FLRT2: variants seen among roughly 807,000 people sequenced by gnomAD.
FLRT2 encodes fibronectin leucine rich transmembrane protein 2, also known as leucine-rich repeat transmembrane protein FLRT2.
Under a neutral mutation model 40.0 loss-of-function variants are expected in FLRT2, and 15 were observed. The observed-to-expected ratio is 0.38, with a 90% CI of 0.25 to 0.58. FLRT2 has a LOEUF of 0.58. Among genes scored for constraint, FLRT2 ranks in the 20% least tolerant of loss-of-function variants. The pLI, the probability that FLRT2 is intolerant of heterozygous loss-of-function variation, is 0.71. For missense variants in FLRT2, 726 were observed against 840.0 expected, an observed-to-expected ratio of 0.86 and a Z score of 1.68; for synonymous variants, 380 against 336.8, an observed-to-expected ratio of 1.13 and a Z score of -1.41.
intron 1 of FLRT2, among the ~76,000 whole-genome samples, chr14:85,599,046 T>C (rs1204035007): frequency 6.6e-6 from 1 of 151,006 alleles, no homozygotes; most frequent in East Asian, 2.0e-4. Flanking sequence ...GCCTCCCGAG[T>C]AGCTGGGACT....
rs1486752212 is a variant in FLRT2, at chr14:85,639,561, T to C, written c.*16064T>C. 6.6e-6 allele frequency: 1 copy of C among 152,218 alleles called. No individual in the cohort carries two copies. The highest frequency in any genetic ancestry group is 2.4e-5 in the African/African-American group (1 of 41,464). The allele number at this position is 152,218 out of a possible 1,614,324, so 9.4% of individuals were successfully genotyped here. A position where few individuals can be genotyped will look rare whatever the true frequency, so the allele number is the denominator to read the frequency against. On this transcript the variant is annotated 3_prime_UTR_variant, in exon 2 of 2. Transcript: ENST00000330753. ...TGAGCCCAAATGATGGTAGCAATGA[T>C]TGATTTATCTCAATCTTCTTGTATA...
At chr14:85,532,850 T>C (rs971050076) in intron 1 of FLRT2, among the ~76,000 whole-genome samples, 3 of 152,166 alleles carry the variant, frequency 2.0e-5, no homozygotes, top group Admixed American at 6.5e-5. Context: ...TTTCTCAGTG[T>C]CTAAGTAATA....
At chr14:85,567,289 A>G (rs1890667231) in intron 1 of FLRT2, among the ~76,000 whole-genome samples, 1 of 152,150 alleles carries the variant, frequency 6.6e-6, no homozygotes, top group Non-Finnish European at 1.5e-5. Context: ...TTGTAATAGA[A>G]GCTCCAAAGA....
intron 1 of FLRT2, among the ~76,000 whole-genome samples, chr14:85,599,732 C>T (rs1295822632): frequency 2.0e-5 from 3 of 151,864 alleles, no homozygotes; most frequent in African/African-American, 7.3e-5. Flanking sequence ...TCCTCCTTTT[C>T]TTTCTTTCTT....
intron 1 of FLRT2, among the ~76,000 whole-genome samples, chr14:85,604,844 G>A (rs1469988304): frequency 6.6e-6 from 1 of 152,166 alleles, no homozygotes; most frequent in Admixed American, 6.5e-5. Flanking sequence ...TGTTGGCAGA[G>A]GGGTGAAGTG....
Position 85,617,562 on chromosome 14 carries a change from G to A in FLRT2, c.-376-3577G>A, listed in dbSNP as rs950176036. Among the ~76,000 whole-genome samples the A allele has an allele frequency of 2.6e-5, 4 of 152,098 alleles. No individual in the cohort carries two copies. The South Asian group carries it at 6.3e-4, about 24-fold the overall frequency. ...CCCCAACTTAAAGTCTAAAAGGATC[G>A]CTGCCTTCATTATTCAGTAGGAACC... On this transcript the variant is annotated intron_variant, in intron 1 of 1. Transcript: ENST00000330753.
chr14:85,611,172 G>A (rs1359026361), intron 1 of FLRT2, among the ~76,000 whole-genome samples: 2 of 152,016 alleles, frequency 1.3e-5, no homozygotes, highest in Non-Finnish European at 2.9e-5. Flanking sequence ...CTGGGATTAC[G>A]GGCCTTCTTG....
chr14:85,590,886 T>C (rs1891852774), intron 1 of FLRT2, among the ~76,000 whole-genome samples: 1 of 152,046 alleles, frequency 6.6e-6, no homozygotes, highest in African/African-American at 2.4e-5. Context: ...GCTTGAGCCA[T>C]AGCATTTTTT....
intron 1 of FLRT2, among the ~76,000 whole-genome samples, chr14:85,596,983 T>C (rs1006092186): frequency 6.6e-6 from 1 of 152,188 alleles, no homozygotes; most frequent in Non-Finnish European, 1.5e-5. Context: ...CTTTATTATC[T>C]TTAGCTGTGC....
chr14:85,651,794 T>A lies in FLRT2; in HGVS notation c.*28297T>A, dbSNP rs1894439623. The A allele has an allele frequency of 6.6e-6, 1 of 152,132 alleles. No individual in the cohort carries two copies. The highest frequency in any genetic ancestry group is 2.1e-4 in the South Asian group (1 of 4,834). 9.4% of individuals were successfully genotyped at this position (152,132 alleles called of 1,614,324 possible). On this transcript the variant is annotated 3_prime_UTR_variant, in exon 2 of 2. Transcript: ENST00000330753. Reference sequence around the variant, plus strand: ...CTCAATGGATTTGGAAGATATATGTTCTATTTTTATTTCTGTTGTTGGTTT... The same window carrying A: ...CTCAATGGATTTGGAAGATATATGTACTATTTTTATTTCTGTTGTTGGTTT...
In FLRT2 at chr14:85,623,622, A is replaced by G; in HGVS notation, c.*125A>G. Reference sequence around the variant, plus strand: ...CACAGATGCATTTGTGCATTTGAATACTCTGTAATTTATACGGTGTACTAT... The same window carrying G: ...CACAGATGCATTTGTGCATTTGAATGCTCTGTAATTTATACGGTGTACTAT... On this transcript the variant is annotated 3_prime_UTR_variant, in exon 2 of 2. Transcript: ENST00000330753. 1 of 726,484 alleles carries G rather than the reference A, an allele frequency of 1.4e-6. No individual in the cohort carries two copies. Among genetic ancestry groups the G allele is most frequent in the South Asian group, 4.7e-5 (1 of 21,140 alleles). The allele number at this position is 726,484 out of a possible 1,614,324, so 45.0% of individuals were successfully genotyped here. A position where few individuals can be genotyped will look rare whatever the true frequency, so the allele number is the denominator to read the frequency against.
rs1894467758 is a variant in FLRT2 at position 85,652,858 on chromosome 14, TG to T, written c.*29362del. ...CCCTCTAGGAGATTAAAGTATTTTTTGCTCATTAATCAATGTAAGAACACCT... is the reference window on the plus strand; with the variant it reads ...CCCTCTAGGAGATTAAAGTATTTTTTCTCATTAATCAATGTAAGAACACCT... On this transcript the variant is annotated 3_prime_UTR_variant, in exon 2 of 2. Transcript: ENST00000330753. The T allele has an allele frequency of 6.6e-6, 1 of 152,202 alleles. No individual in the cohort carries two copies. The highest frequency in any genetic ancestry group is 1.5e-5 in the Non-Finnish European group (1 of 68,026). 9.4% of individuals were successfully genotyped at this position (152,202 alleles called of 1,614,324 possible).
intron 1 of FLRT2, among the ~76,000 whole-genome samples, chr14:85,570,104 G>A (rs939963999): frequency 2.6e-5 from 4 of 152,196 alleles, no homozygotes; most frequent in Non-Finnish European, 5.9e-5. Flanking sequence ...GATATTAACA[G>A]CCATCACCCA....
At chr14:85,562,197 G>T (rs1595026621) in intron 1 of FLRT2, among the ~76,000 whole-genome samples, 1 of 152,184 alleles carries the variant, frequency 6.6e-6, no homozygotes, top group Non-Finnish European at 1.5e-5. Flanking sequence ...GGAAGGAAAG[G>T]CATCACTTGT....
intron 1 of FLRT2, among the ~76,000 whole-genome samples, chr14:85,555,625 G>A (rs541385174): frequency 7.3e-4 from 111 of 151,932 alleles, no homozygotes; most frequent in African/African-American, 2.7e-3. Flanking sequence ...TTCAAGATGA[G>A]GTTTGGGTGG....
In FLRT2 at chr14:85,623,044, A is replaced by G. The variant is rs1264970980; in HGVS notation, c.1530A>G (p.Ser510=). The change falls in exon 2 of 2, where the codon TCA becomes TCG. Residue 510 remains serine (S), a synonymous_variant. Transcript: ENST00000330753. ...GCGCGGTAGAAGACACCATTTGTTC[A>G]GAGGCCACCACCCATGCCTCCTATC... is the stretch of plus-strand genomic sequence containing the variant. The part of the protein sequence containing the change: ...NYRAVEDTIC[S]EATTHASYLN... 1.2e-6 allele frequency: 2 copies of G among 1,614,182 alleles called. No individual in the cohort carries two copies. Among genetic ancestry groups the G allele is most frequent in the Non-Finnish European group, 1.7e-6 (2 of 1,180,028 alleles).
rs1017692345 is a variant in FLRT2, at chr14:85,654,267, A to G, written c.*30770A>G. ...TATCATTCTGTAAATAACTTTGTCT[A>G]TGTAATTGTAGTGTATACTTATTAT... On this transcript the variant is annotated 3_prime_UTR_variant, in exon 2 of 2. Coordinates refer to ENST00000330753, the MANE Select transcript of FLRT2 (RefSeq NM_013231.6). 3 of 152,108 alleles carry G rather than the reference A, an allele frequency of 2.0e-5. No homozygotes were observed. The highest frequency in any genetic ancestry group is 1.9e-4 in the East Asian group (1 of 5,182). The allele number at this position is 152,108 out of a possible 1,614,324, so 9.4% of individuals were successfully genotyped here. A position where few individuals can be genotyped will look rare whatever the true frequency, so the allele number is the denominator to read the frequency against.
intron 1 of FLRT2, among the ~76,000 whole-genome samples, chr14:85,574,082 A>G (rs1328963931): frequency 6.6e-6 from 1 of 152,188 alleles, no homozygotes; most frequent in Admixed American, 6.5e-5. Context: ...AGTTCTTCCC[A>G]GGAAACCGTG....
chr14:85,547,544 G>A (rs1318427575), intron 1 of FLRT2, among the ~76,000 whole-genome samples: 1 of 151,934 alleles, frequency 6.6e-6, no homozygotes, highest in African/African-American at 2.4e-5. Flanking sequence ...GGCTGGTCTC[G>A]AACTCCTGAC....
Sources: allele counts gnomAD v4.1 joint callset (sites outside exome capture counted in the v4.1 genomes callset), GRCh38; gene constraint gnomAD v4.1.1; transcripts MANE v1.5; gene names NCBI Gene and HGNC (gene_info 2026-07-23, HGNC 2026-07-21).